The following SCAPER variants were observed in gnomAD, a reference collection of about 807,000 sequenced individuals.
SCAPER encodes S phase cyclin A-associated protein in the endoplasmic reticulum.
A neutral mutation model predicts 182.2 loss-of-function variants in SCAPER; 98 were observed. The observed-to-expected ratio is 0.54, with a 90% CI of 0.46 to 0.64. SCAPER has a LOEUF of 0.64. SCAPER is among the 30% of genes least tolerant of loss of function. The probability of loss-of-function intolerance (pLI) is 0.00; values close to 1 mark genes in which losing one functional copy is unlikely to be tolerated. For missense variants in SCAPER, 1,432 were observed against 1,690.0 expected (o/e 0.85, Z 2.68); for synonymous variants, 605 against 564.6 (o/e 1.07, Z -1.01).
chr15:76,674,321 G>A (rs1210140884), intron 20 of SCAPER, among the ~76,000 whole-genome samples: 1 of 152,080 alleles, frequency 6.6e-6, no homozygotes, highest in Non-Finnish European at 1.5e-5. Context: ...CTTACCAAAT[G>A]GATCAAACCT....
intron 14 of SCAPER, among the ~76,000 whole-genome samples, chr15:76,755,537 A>G (rs1010218302): frequency 2.6e-5 from 4 of 152,226 alleles, no homozygotes; most frequent in African/African-American, 7.2e-5. Context: ...ATTACAATAT[A>G]GTGGCCATAT....
chr15:76,792,400 T>C (rs1171153130), intron 8 of SCAPER, among the ~76,000 whole-genome samples: 3 of 152,180 alleles, frequency 2.0e-5, no homozygotes, highest in Admixed American at 6.5e-5. Flanking sequence ...TTGTGGGCTC[T>C]GGTAGATTGT....
At chr15:76,591,756 C>T (rs1010568613) in intron 22 of SCAPER, among the ~76,000 whole-genome samples, 3 of 152,108 alleles carry the variant, frequency 2.0e-5, no homozygotes, top group African/African-American at 7.2e-5. Context: ...TAAGTTTCTA[C>T]AAAGAAAGAT....
intron 23 of SCAPER, among the ~76,000 whole-genome samples, chr15:76,516,847 A>G (rs889492238): frequency 3.3e-5 from 5 of 152,188 alleles, no homozygotes; most frequent in Admixed American, 1.3e-4. Flanking sequence ...TTTTACTTTT[A>G]TCAAATTACC....
rs1457795776 is a variant in SCAPER at position 76,389,493 on chromosome 15, T to G, written c.3468-7878A>C. ...TGTAGCCTGGGAAACAAAGCAAGACTCCGTCTCAAAAAAAAAAAAAAAAAA... is the reference window on the plus strand; with the variant it reads ...TGTAGCCTGGGAAACAAAGCAAGACGCCGTCTCAAAAAAAAAAAAAAAAAA... On this transcript the variant is annotated intron_variant, in intron 27 of 31. Transcript: ENST00000563290. Among the ~76,000 whole-genome samples the G allele has an allele frequency of 2.2e-4, 14 of 63,288 alleles. 1 individual carries two copies. In the East Asian group the frequency reaches 7.0e-3, roughly 32 times the overall value. The allele number at this position is 63,288 out of a possible 152,430, so 41.5% of individuals were successfully genotyped here.
intron 24 of SCAPER, among the ~76,000 whole-genome samples, chr15:76,486,602 G>C (rs2143104366): frequency 6.6e-6 from 1 of 152,142 alleles, no homozygotes; most frequent in South Asian, 2.1e-4. Flanking sequence ...TCATATGAAA[G>C]AAAGCTCCTC....
chr15:76,610,942 A>G lies in SCAPER; in HGVS notation c.2711+10822T>C, dbSNP rs530529227. On this transcript the variant is annotated intron_variant, in intron 22 of 31. Transcript: ENST00000563290. ...ATTCTAAAATACAAATGGAACAACA[A>G]TACTCCCCAAATAGTTAAAGCAATC... Among the ~76,000 whole-genome samples, 17 of 152,322 alleles carry G rather than the reference A, an allele frequency of 1.1e-4. No homozygotes were observed. The South Asian group carries it at 3.5e-3, about 32-fold the overall frequency.
intron 24 of SCAPER, among the ~76,000 whole-genome samples, chr15:76,475,228 T>C (rs2050529485): frequency 6.6e-6 from 1 of 152,194 alleles, no homozygotes; most frequent in African/African-American, 2.4e-5. Flanking sequence ...TTCTTATAAA[T>C]AAATTTACAT....
intron 9 of SCAPER, among the ~76,000 whole-genome samples, chr15:76,774,031 G>C (rs1429850733): frequency 6.6e-6 from 1 of 151,708 alleles, no homozygotes; most frequent in East Asian, 1.9e-4. Context: ...TAACTTTAAG[G>C]AATTATGTTA....
Position 76,862,517 on chromosome 15 carries a change from G to A in SCAPER, c.23C>T (p.Ser8Phe). MMASFQR[S>F]NSHDKVRRIV... ...TCTCCTTACTTTGTCATGACTATTG[G>A]AGCGCTGGAATGAAGCCTATGTATG... The change falls in exon 3 of 32, where the codon TCC (serine) becomes TTC (phenylalanine). Residue 8 changes from serine to phenylalanine, a missense_variant. Transcript: ENST00000563290. The A allele has an allele frequency of 6.2e-7, 1 of 1,611,426 alleles. No homozygotes were observed. The highest frequency in any genetic ancestry group is 8.5e-7 in the Non-Finnish European group (1 of 1,178,228).
intron 23 of SCAPER, among the ~76,000 whole-genome samples, chr15:76,506,204 C>G (rs189849872): frequency 6.6e-6 from 1 of 151,714 alleles, no homozygotes; most frequent in African/African-American, 2.4e-5. Flanking sequence ...AGCCCAACAG[C>G]GTGAATATAA....
intron 26 of SCAPER, among the ~76,000 whole-genome samples, chr15:76,417,626 A>C (rs2045741162): frequency 6.6e-6 from 1 of 152,228 alleles, no homozygotes; most frequent in African/African-American, 2.4e-5. Context: ...CCTGTGGTAC[A>C]TCCTGGTGGC....
At chr15:76,827,902 T>C (rs561962626) in intron 5 of SCAPER, among the ~76,000 whole-genome samples, 1 of 152,346 alleles carries the variant, frequency 6.6e-6, no homozygotes, top group East Asian at 1.9e-4. Context: ...AAAACTCATG[T>C]TGAAATTTAA....
chr15:76,813,848 T>C (rs761821706), intron 5 of SCAPER, among the ~76,000 whole-genome samples: 2 of 152,182 alleles, frequency 1.3e-5, no homozygotes, highest in Non-Finnish European at 2.9e-5. Context: ...TCCATGTTTA[T>C]GGGTTGTAAA....
At chr15:76,431,275 G>C (rs1426072056) in intron 26 of SCAPER, among the ~76,000 whole-genome samples, 1 of 151,174 alleles carries the variant, frequency 6.6e-6, no homozygotes, top group African/African-American at 2.4e-5. Context: ...TGCTGTAAAA[G>C]TCTTTTTAAA....
chr15:76,441,954 T>C (rs191955689), intron 25 of SCAPER, among the ~76,000 whole-genome samples: 183 of 152,104 alleles, frequency 1.2e-3, no homozygotes, highest in African/African-American at 4.1e-3. Context: ...TAGACACTGA[T>C]TTTCACTAAA....
chr15:76,842,615 G>A lies in SCAPER; in HGVS notation c.196-684C>T, dbSNP rs528537495. 3.9e-5 allele frequency among the ~76,000 whole-genome samples: 6 copies of A among 152,286 alleles called. 1 individual carries two copies. The highest frequency in any genetic ancestry group is 1.4e-4 in the African/African-American group (6 of 41,550). On this transcript the variant is annotated intron_variant, in intron 4 of 31. Transcript: ENST00000563290. The stretch of plus-strand genomic sequence containing the variant: ...CTCAGGCAGTTCATTACAGCAGTAT[G>A]AAAACAGACTAATACAGACATCATG...
At chr15:76,627,423 T>C (rs1488220238) in intron 21 of SCAPER, among the ~76,000 whole-genome samples, 2 of 152,146 alleles carry the variant, frequency 1.3e-5, no homozygotes, top group Admixed American at 1.3e-4. Flanking sequence ...TTAGCTATTT[T>C]TCCTAATGCT....
intron 26 of SCAPER, among the ~76,000 whole-genome samples, chr15:76,405,484 TAACA>T (rs2044762312): frequency 6.6e-6 from 1 of 152,190 alleles, no homozygotes. Context: ...ATTAACAGCA[TAACA>T]AACAGTGAGA....
Sources: allele counts gnomAD v4.1 joint callset (sites outside exome capture counted in the v4.1 genomes callset), GRCh38; gene constraint gnomAD v4.1.1; transcripts MANE v1.5; gene names NCBI Gene and HGNC (gene_info 2026-07-23, HGNC 2026-07-21).